Variants in FANCD2OS observed in about 807,000 individuals in gnomAD.
FANCD2OS encodes FANCD2 opposite strand.
Under a neutral mutation model 13.2 loss-of-function variants are expected in FANCD2OS, and 11 were observed. The ratio of observed to expected loss-of-function variants is 0.83; its 90% CI spans 0.52 to 1.38. The LOEUF (loss-of-function observed/expected upper bound fraction) is 1.38, where lower values mean the gene tolerates loss of function less well. Among genes scored for constraint, FANCD2OS ranks in the 40% most tolerant of loss-of-function variants. FANCD2OS has a pLI of 0.00. For missense variants in FANCD2OS, 217 were observed against 213.9 expected (o/e 1.01, Z -0.09); for synonymous variants, 69 against 84.5 (o/e 0.82, Z 1.01).
At chr3:10,090,443 ATTTTTTTTTT>A (rs773716319) in intron 2 of FANCD2OS, 36 of 342,308 alleles carry the variant, frequency 1.1e-4, no homozygotes, top group East Asian at 4.5e-4. Flanking sequence ...GAAGTTGCTG[ATTTTTTTTTT>A]TTTTTTTTTT....
chr3:10,104,514 C>A lies in FANCD2OS; in HGVS notation c.261G>T (p.Leu87=). The change falls in exon 2 of 2, where the codon CTG becomes CTT. Residue 87 remains leucine, a synonymous_variant. Coordinates refer to ENST00000450660, the MANE Select transcript of FANCD2OS (RefSeq NM_001164839.2). ...GGCGGATGGGCTGGGGCTTCCTGAC[C>A]AGTCCTTTGTTGTTCATCGTGCGCA... ...SELRTMNNKG[L]VRKPQPIRLS... The A allele has an allele frequency of 1.2e-6, 2 of 1,614,190 alleles. No individual in the cohort carries two copies. The highest frequency in any genetic ancestry group is 2.2e-5 in the South Asian group (2 of 91,084).
In FANCD2OS at chr3:10,104,146, A is replaced by G. The variant is rs537731516; in HGVS notation, c.*95T>C. The stretch of plus-strand genomic sequence containing the variant: ...AAACAAAAGCAAGATGGCTGGGACA[A>G]TGTCACAGTTTCATTTACATGGACA... On this transcript the variant is annotated 3_prime_UTR_variant, in exon 2 of 2. Coordinates refer to ENST00000450660, the MANE Select transcript of FANCD2OS (RefSeq NM_001164839.2). 4.4e-6 allele frequency: 5 copies of G among 1,147,214 alleles called. No individual in the cohort carries two copies. The highest frequency in any genetic ancestry group is 2.5e-5 in the East Asian group (1 of 39,956). The allele number at this position is 1,147,214 out of a possible 1,614,324, so 71.1% of individuals were successfully genotyped here.
downstream of FANCD2OS, chr3:10,102,842 CA>C (rs781512105): frequency 0.09 from 6,080 of 67,888 alleles, 24 homozygotes; most frequent in South Asian, 0.21. Flanking sequence ...GACTCCGTCT[CA>C]AAAAAAAAAA....
intron 2 of FANCD2OS, among the ~76,000 whole-genome samples, chr3:10,086,683 G>A (rs1694227009): frequency 6.6e-6 from 1 of 152,066 alleles, no homozygotes; most frequent in Non-Finnish European, 1.5e-5. Context: ...TTCGACATGT[G>A]GCCAGGCTGG....
At chr3:10,081,610 C>T in intron 2 of FANCD2OS, 1 of 760,882 alleles carries the variant, frequency 1.3e-6, no homozygotes. Flanking sequence ...GTGTTTTTGT[C>T]TGTATTATTT....
At chr3:10,084,670 A>T (rs1694072153) in intron 2 of FANCD2OS, among the ~76,000 whole-genome samples, 1 of 152,222 alleles carries the variant, frequency 6.6e-6, no homozygotes. Context: ...ATGGTAGACC[A>T]AAAACCTGAC....
intron 2 of FANCD2OS, chr3:10,090,443 ATTTTTTTTTTTTTTTTT>A: frequency 8.8e-6 from 3 of 340,200 alleles, no homozygotes; most frequent in Non-Finnish European, 1.6e-5. Flanking sequence ...GAAGTTGCTG[ATTTTTTTTTTTTTTTTT>A]TTTTTTTTTT....
Position 10,104,647 on chromosome 3 carries a change from G to T in FANCD2OS, c.128C>A (p.Pro43Gln). The stretch of plus-strand genomic sequence containing the variant: ...GCACAGCTGCACTTCAAGGTCGGAC[G>T]GTGTGTGTGGGAAGCAGGGGGAGGC... ...FKASPCFPHT[P>Q]SDLEVQLCFQ... Residue 43 changes from proline (P) to glutamine (Q), a missense_variant, in exon 2 of 2, where the codon CCG becomes CAG. By Grantham distance (76) the Pro-to-Gln change is moderately conservative (BLOSUM62 -1). Transcript: ENST00000450660. 1 of 1,614,154 alleles carries T rather than the reference G, an allele frequency of 6.2e-7. No homozygotes were observed. Among genetic ancestry groups the T allele is most frequent in the Non-Finnish European group, 8.5e-7 (1 of 1,180,038 alleles).
At chr3:10,104,840 G>T (rs1575892116) in intron 1 of FANCD2OS, 58 bp from the exon 2 acceptor site, 1 of 1,450,768 alleles carries the variant, frequency 6.9e-7, no homozygotes, top group Non-Finnish European at 9.2e-7. Context: ...TGAGAGCATG[G>T]CCTTTCAAAT....
chr3:10,095,837 C>T (rs143521229), intron 2 of FANCD2OS, among the ~76,000 whole-genome samples: 173 of 151,334 alleles, frequency 1.1e-3, no homozygotes, highest in Middle Eastern at 3.4e-3. Context: ...CTGTTACTTA[C>T]TTCCTCCTCT....
intron 2 of FANCD2OS, among the ~76,000 whole-genome samples, chr3:10,085,387 T>C (rs1340867359): frequency 6.6e-6 from 1 of 150,562 alleles, no homozygotes; most frequent in Non-Finnish European, 1.5e-5. Context: ...TTTTTTCTTT[T>C]TTCTTTCTTT....
chr3:10,081,477 G>C lies in FANCD2OS; in HGVS notation c.*98C>G, dbSNP rs764386433. 3 of 1,530,328 alleles carry C rather than the reference G, an allele frequency of 2.0e-6. No individual in the cohort carries two copies. The East Asian group carries it at 6.7e-5, about 34-fold the overall frequency. The allele number at this position is 1,530,328 out of a possible 1,614,324, so 94.8% of individuals were successfully genotyped here. A position where few individuals can be genotyped will look rare whatever the true frequency, so the allele number is the denominator to read the frequency against. ...GGCTTTTTGCTTGGTAAGTATGTGG[G>C]AAGTGTGGAGAGAACTGAGTATATA... On this transcript the variant is annotated 3_prime_UTR_variant, in exon 3 of 3. Transcript: ENST00000524279.
chr3:10,105,767 AAAAAT>A lies in FANCD2OS; in HGVS notation c.-8-990_-8-986del, dbSNP rs1218772011. Among the ~76,000 whole-genome samples the A allele has an allele frequency of 0.011, 584 of 53,318 alleles. 45 individuals carry two copies. In the African/African-American group the frequency reaches 0.11, roughly 10 times the overall value. The allele number at this position is 53,318 out of a possible 152,430, so 35.0% of individuals were successfully genotyped here. On this transcript the variant is annotated intron_variant, in intron 1 of 1. Coordinates refer to ENST00000450660, the MANE Select transcript of FANCD2OS (RefSeq NM_001164839.2). ...CTCCATCTAAAAAAAAAAAAAAAAAAAAAATTATATATATATATATATATATATAT... is the reference window on the plus strand; with the variant it reads ...CTCCATCTAAAAAAAAAAAAAAAAAATATATATATATATATATATATATAT...
At chr3:10,088,607 C>G in intron 2 of FANCD2OS, 2 of 1,235,872 alleles carry the variant, frequency 1.6e-6, no homozygotes, top group Middle Eastern at 1.9e-4. Flanking sequence ...TGTTGTTTGT[C>G]AGAGACTGGA....
intron 1 of FANCD2OS, among the ~76,000 whole-genome samples, chr3:10,105,804 A>G (rs1346110900): frequency 1.3e-5 from 1 of 77,868 alleles, no homozygotes; most frequent in Non-Finnish European, 2.3e-5. Flanking sequence ...ATATATATAT[A>G]TATATATATA....
At chr3:10,102,644 C>T (rs2125107586), downstream of FANCD2OS, among the ~76,000 whole-genome samples, 1 of 150,910 alleles carries the variant, frequency 6.6e-6, no homozygotes, top group South Asian at 2.1e-4. Flanking sequence ...AGATCGAGAC[C>T]ATCCTGGCTA....
chr3:10,088,643 G>A (rs1051232662), intron 2 of FANCD2OS: 7 of 1,093,718 alleles, frequency 6.4e-6, no homozygotes, highest in African/African-American at 1.5e-5. Context: ...GTGGGAATTT[G>A]AAAACAATGA....
intron 2 of FANCD2OS, among the ~76,000 whole-genome samples, chr3:10,084,139 G>T (rs544820499): frequency 4.6e-5 from 7 of 151,532 alleles, no homozygotes. Context: ...GATTACATGC[G>T]CCTGCCACTG....
chr3:10,085,854 A>C (rs1219759716), intron 2 of FANCD2OS: 1 of 1,613,818 alleles, frequency 6.2e-7, no homozygotes, highest in Non-Finnish European at 8.5e-7. Context: ...TACTGTATTC[A>C]GCCCTCCATG....
Sources: gnomAD v4.1 joint callset for allele counts (sites outside exome capture counted in the v4.1 genomes callset) on GRCh38, gnomAD v4.1.1 for gene constraint, MANE v1.5 for transcripts, NCBI Gene and HGNC (gene_info 2026-07-23, HGNC 2026-07-21) for gene names.